VSTM2L: variants seen among roughly 807,000 people sequenced by gnomAD.
VSTM2L encodes V-set and transmembrane domain containing 2 like.
Under a neutral mutation model 19.9 loss-of-function variants are expected in VSTM2L, and 9 were observed. The observed-to-expected ratio is 0.45, with a 90% confidence interval of 0.27 to 0.79. VSTM2L has a LOEUF of 0.79. VSTM2L is among the 30% of genes least tolerant of loss of function. VSTM2L has a pLI of 0.15. For missense variants in VSTM2L, 286 were observed against 295.5 expected (o/e 0.97, Z 0.24); for synonymous variants, 127 against 133.8 (o/e 0.95, Z 0.35).
In VSTM2L at chr20:37,943,646, A is replaced by G. The variant is rs571830264; in HGVS notation, c.343-335A>G. Among the ~76,000 whole-genome samples, 32 of 152,086 alleles carry G rather than the reference A, an allele frequency of 2.1e-4. No individual in the cohort carries two copies. The South Asian group carries it at 6.7e-3, about 32-fold the overall frequency. ...TAGGTGTCTGTGTTTGTTTACATAA[A>G]TGGCATCCCCTGGGGGTGGGCAGCA... On this transcript the variant is annotated intron_variant, in intron 3 of 3. Transcript: ENST00000373461.
intron 1 of VSTM2L, among the ~76,000 whole-genome samples, chr20:37,904,626 G>C (rs529265350): frequency 1.8e-4 from 27 of 152,348 alleles, no homozygotes; most frequent in African/African-American, 6.5e-4. Flanking sequence ...AGCCTTGTTG[G>C]GGAGGCTGCA....
intron 2 of VSTM2L, 88 bp from the exon 3 acceptor site, chr20:37,933,451 A>G: frequency 9.1e-7 from 1 of 1,097,072 alleles, no homozygotes. Context: ...CCGTATCCCT[A>G]TAATGTGTCT....
intron 3 of VSTM2L, among the ~76,000 whole-genome samples, chr20:37,943,162 G>GT (rs2072983291): frequency 6.6e-6 from 1 of 152,072 alleles, no homozygotes. Context: ...TAGAGATGGG[G>GT]TTTCCCCATG....
intron 2 of VSTM2L, among the ~76,000 whole-genome samples, chr20:37,933,258 A>T (rs956717248): frequency 6.6e-6 from 1 of 152,194 alleles, no homozygotes; most frequent in African/African-American, 2.4e-5. Flanking sequence ...CACTCCCTCC[A>T]ATATATACCA....
Position 37,927,016 on chromosome 20 carries a change from A to G in VSTM2L, c.122-4619A>G, listed in dbSNP as rs2072882633. On this transcript the variant is annotated intron_variant, in intron 1 of 3. Coordinates refer to ENST00000373461, the MANE Select transcript of VSTM2L (RefSeq NM_080607.3). Reference sequence around the variant, plus strand: ...GGAGTCTTGCTGTTGCCCAGGCTGGAGTGCAGTGACACAATCTCGGCTCAC... The same window carrying G: ...GGAGTCTTGCTGTTGCCCAGGCTGGGGTGCAGTGACACAATCTCGGCTCAC... 2.0e-5 allele frequency among the ~76,000 whole-genome samples: 3 copies of G among 152,240 alleles called. No homozygotes were observed. In the South Asian group the frequency reaches 6.2e-4, roughly 31 times the overall value.
At chr20:37,940,735 G>T (rs1260445797) in intron 3 of VSTM2L, among the ~76,000 whole-genome samples, 1 of 152,246 alleles carries the variant, frequency 6.6e-6, no homozygotes, top group Non-Finnish European at 1.5e-5. Flanking sequence ...TTGGCTCAAC[G>T]TTCTGCATGG....
rs543300300 is a variant in VSTM2L at position 37,903,650 on chromosome 20, C to T, written c.121+179C>T. Among the ~76,000 whole-genome samples the T allele has an allele frequency of 3.3e-5, 5 of 152,168 alleles. No homozygotes were observed. In the South Asian group the frequency reaches 8.3e-4, roughly 25 times the overall value. ...CTGGCCCTGCAGAGAAGGGGGCACC[C>T]GGGGCGCACCCCCGAACCTCCTCCC... On this transcript the variant is annotated intron_variant, in intron 1 of 3. Coordinates refer to ENST00000373461, the MANE Select transcript of VSTM2L (RefSeq NM_080607.3).
At chr20:37,917,300 G>A (rs1158786093) in intron 1 of VSTM2L, among the ~76,000 whole-genome samples, 3 of 152,008 alleles carry the variant, frequency 2.0e-5, no homozygotes, top group Non-Finnish European at 2.9e-5. Flanking sequence ...GGGCGACGGT[G>A]TGAGACTCTG....
chr20:37,911,235 CAAAA>C (rs11352183), intron 1 of VSTM2L, among the ~76,000 whole-genome samples: 4 of 45,774 alleles, frequency 8.7e-5, no homozygotes, highest in East Asian at 5.9e-4. Flanking sequence ...GACTCCATCT[CAAAA>C]AAAAAAAAAA....
At chr20:37,937,322 C>T (rs932427879) in intron 3 of VSTM2L, among the ~76,000 whole-genome samples, 4 of 152,124 alleles carry the variant, frequency 2.6e-5, no homozygotes, top group African/African-American at 9.7e-5. Context: ...TATGAATTAT[C>T]TCGTTTAACT....
At chr20:37,932,243 C>A (rs553702869) in intron 2 of VSTM2L, among the ~76,000 whole-genome samples, 1 of 152,182 alleles carries the variant, frequency 6.6e-6, no homozygotes, top group East Asian at 1.9e-4. Context: ...CACACGCATA[C>A]GTGCACCAGG....
In VSTM2L at chr20:37,931,618, C is replaced by T. The variant is rs2072909586; in HGVS notation, c.122-17C>T. 2 of 1,604,858 alleles carry T rather than the reference C, an allele frequency of 1.2e-6. No homozygotes were observed. The highest frequency in any genetic ancestry group is 1.7e-4 in the Middle Eastern group (1 of 6,048). ...GTTTCCTGAGCCCCGCCATTCTTCC[C>T]CCTGTTTCTTGCACAGCCCTGTTCA... is the stretch of plus-strand genomic sequence containing the variant. On this transcript the variant is annotated splice_polypyrimidine_tract_variant and intron_variant, in intron 1 of 3. Coordinates refer to ENST00000373461, the MANE Select transcript of VSTM2L (RefSeq NM_080607.3).
At chr20:37,943,837 C>T (rs2072988197) in intron 3 of VSTM2L, 144 bp from the exon 4 acceptor site, 1 of 842,814 alleles carries the variant, frequency 1.2e-6, no homozygotes, top group Non-Finnish European at 1.8e-6. Context: ...ATTTAACTCA[C>T]TCTTGTGCAA....
At chr20:37,917,746 G>T (rs1405684480) in intron 1 of VSTM2L, among the ~76,000 whole-genome samples, 1 of 152,210 alleles carries the variant, frequency 6.6e-6, no homozygotes, top group Non-Finnish European at 1.5e-5. Context: ...CCTGTGGGTA[G>T]AGCACAGTCT....
chr20:37,931,087 C>G (rs1389119764), intron 1 of VSTM2L, among the ~76,000 whole-genome samples: 1 of 152,152 alleles, frequency 6.6e-6, no homozygotes, highest in African/African-American at 2.4e-5. Flanking sequence ...GAGGCGTGTC[C>G]ACAGGACAGG....
intron 3 of VSTM2L, among the ~76,000 whole-genome samples, 182 bp from the exon 4 acceptor site, chr20:37,943,799 A>G (rs932150176): frequency 3.8e-4 from 58 of 152,088 alleles, no homozygotes; most frequent in African/African-American, 1.4e-3. Flanking sequence ...CTGTTGGTGG[A>G]CATGGCAGTT....
intron 2 of VSTM2L, among the ~76,000 whole-genome samples, chr20:37,932,940 C>G (rs1303526644): frequency 1.3e-5 from 2 of 152,344 alleles, no homozygotes; most frequent in East Asian, 3.9e-4. Flanking sequence ...TGCCCAAGGG[C>G]ATATCAAACT....
At chr20:37,928,062 A>G (rs1330518112) in intron 1 of VSTM2L, among the ~76,000 whole-genome samples, 1 of 152,086 alleles carries the variant, frequency 6.6e-6, no homozygotes, top group African/African-American at 2.4e-5. Context: ...GGCTCAGGCA[A>G]TGGCACCTGG....
chr20:37,943,425 C>G (rs994651089), intron 3 of VSTM2L, among the ~76,000 whole-genome samples: 7 of 118,454 alleles, frequency 5.9e-5, no homozygotes, highest in African/African-American at 2.2e-4. Context: ...GCAGGCGCCT[C>G]TATTTTTTTT....
Sources: gnomAD v4.1 joint callset for allele counts (sites outside exome capture counted in the v4.1 genomes callset) on GRCh38, gnomAD v4.1.1 for gene constraint, MANE v1.5 for transcripts, NCBI Gene and HGNC (gene_info 2026-07-23, HGNC 2026-07-21) for gene names.